Variants in DNM3 observed in about 807,000 individuals in gnomAD.
DNM3 encodes dynamin 3.
A neutral mutation model predicts 101.6 loss-of-function variants in DNM3; 47 were observed. The observed-to-expected ratio is 0.46, with a 90% CI of 0.37 to 0.59. The LOEUF (loss-of-function observed/expected upper bound fraction) is 0.59. Among genes scored for constraint, DNM3 ranks in the 20% least tolerant of loss-of-function variants. DNM3 has a pLI of 0.00. For missense variants in DNM3, 849 were observed against 1,085.7 expected (o/e 0.78, Z 3.06); for synonymous variants, 385 against 387.9 (o/e 0.99, Z 0.09).
chr1:171,897,330 T>C (rs1010189830), intron 1 of DNM3, among the ~76,000 whole-genome samples: 3 of 152,252 alleles, frequency 2.0e-5, no homozygotes, highest in Non-Finnish European at 4.4e-5. Flanking sequence ...TCCTTCCAAA[T>C]GTCTAATTTA....
intron 16 of DNM3, among the ~76,000 whole-genome samples, chr1:172,320,809 G>A (rs1281365370): frequency 6.6e-6 from 1 of 152,194 alleles, no homozygotes; most frequent in Non-Finnish European, 1.5e-5. Context: ...GTCGGGAGCT[G>A]AGAATTCACA....
At chr1:172,202,849 T>C (rs2060199752) in intron 14 of DNM3, among the ~76,000 whole-genome samples, 1 of 152,200 alleles carries the variant, frequency 6.6e-6, no homozygotes, top group Non-Finnish European at 1.5e-5. Context: ...ATTTACTGCT[T>C]GAGAAAAGGT....
intron 4 of DNM3, among the ~76,000 whole-genome samples, chr1:172,016,163 G>T (rs1282659198): frequency 6.6e-6 from 1 of 150,892 alleles, no homozygotes; most frequent in Admixed American, 6.6e-5. Flanking sequence ...CTCCAGTCTG[G>T]GCAAGAGAGT....
Position 172,252,290 on chromosome 1 carries a change from C to A in DNM3, c.1660-1283C>A, listed in dbSNP as rs1032876756. Among the ~76,000 whole-genome samples the A allele has an allele frequency of 2.6e-5, 4 of 152,174 alleles. No homozygotes were observed. In the East Asian group the frequency reaches 5.8e-4, roughly 22 times the overall value. Reference sequence around the variant, plus strand: ...TGCTATTCTAATGTGCTCTGCCCAACTTTTTTCTGATTAATTTAGGAGTAG... The same window carrying A: ...TGCTATTCTAATGTGCTCTGCCCAAATTTTTTCTGATTAATTTAGGAGTAG... On this transcript the variant is annotated intron_variant, in intron 14 of 20. Transcript: ENST00000627582.
At chr1:172,315,439 C>T (rs547422721) in intron 16 of DNM3, among the ~76,000 whole-genome samples, 4 of 152,222 alleles carry the variant, frequency 2.6e-5, no homozygotes, top group South Asian at 2.1e-4. Flanking sequence ...CAAACTACTC[C>T]GAGCTACAGG....
At chr1:171,948,527 T>C (rs1398680781) in intron 2 of DNM3, among the ~76,000 whole-genome samples, 4 of 152,180 alleles carry the variant, frequency 2.6e-5, no homozygotes, top group Non-Finnish European at 5.9e-5. Context: ...ATTATATAGA[T>C]AAGCTTACAC....
chr1:172,044,816 T>C (rs1299230823), intron 9 of DNM3, among the ~76,000 whole-genome samples: 1 of 152,146 alleles, frequency 6.6e-6, no homozygotes, highest in South Asian at 2.1e-4. Context: ...TTGACTAGTG[T>C]TGTGGAGCAA....
Position 172,408,499 on chromosome 1 carries a change from C to A in DNM3, c.*658C>A. On this transcript the variant is annotated 3_prime_UTR_variant, in exon 21 of 21. Coordinates refer to ENST00000627582, the MANE Select transcript of DNM3 (RefSeq NM_015569.5). ...TTTTGCTTCATGCTAGAAGCATATGCAACAGTGAATAAAAGCTTCTTTTTT... is the reference window on the plus strand; with the variant it reads ...TTTTGCTTCATGCTAGAAGCATATGAAACAGTGAATAAAAGCTTCTTTTTT... The A allele has an allele frequency of 1.0e-6, 1 of 985,318 alleles. No individual in the cohort carries two copies. The highest frequency in any genetic ancestry group is 1.2e-6 in the Non-Finnish European group (1 of 829,864). The allele number at this position is 985,318 out of a possible 1,614,324, so 61.0% of individuals were successfully genotyped here.
At chr1:172,164,334 C>G (rs886219406) in intron 14 of DNM3, among the ~76,000 whole-genome samples, 1 of 147,280 alleles carries the variant, frequency 6.8e-6, no homozygotes, top group Non-Finnish European at 1.5e-5. Flanking sequence ...GGTGCTATTA[C>G]TTAGTATTAC....
intron 15 of DNM3, among the ~76,000 whole-genome samples, chr1:172,297,516 T>G (rs1383330047): frequency 1.3e-5 from 2 of 152,114 alleles, no homozygotes; most frequent in African/African-American, 4.8e-5. Context: ...GGCCTTAATC[T>G]GTGTTAATTC....
At chr1:172,394,606 C>CTCT (rs2069812094) in intron 20 of DNM3, among the ~76,000 whole-genome samples, 1 of 152,314 alleles carries the variant, frequency 6.6e-6, no homozygotes, top group African/African-American at 2.4e-5. Context: ...TGTCATTGTT[C>CTCT]TCTTTGGGGC....
intron 15 of DNM3, among the ~76,000 whole-genome samples, chr1:172,279,590 C>T (rs2063410792): frequency 6.6e-6 from 1 of 152,104 alleles, no homozygotes; most frequent in South Asian, 2.1e-4. Context: ...TTCTTCCTAC[C>T]AACCCCAGCT....
At chr1:172,336,284 G>A (rs867109061) in intron 17 of DNM3, among the ~76,000 whole-genome samples, 6 of 152,006 alleles carry the variant, frequency 3.9e-5, no homozygotes, top group Admixed American at 3.3e-4. Context: ...AACGCATCAG[G>A]ATTTGATTAA....
At chr1:172,170,203 T>C (rs1417234337) in intron 14 of DNM3, among the ~76,000 whole-genome samples, 1 of 151,972 alleles carries the variant, frequency 6.6e-6, no homozygotes, top group Non-Finnish European at 1.5e-5. Context: ...TTAATATATG[T>C]TAAATACTTA....
intron 2 of DNM3, among the ~76,000 whole-genome samples, chr1:171,973,439 C>A (rs577070162): frequency 4.6e-5 from 7 of 152,088 alleles, no homozygotes; most frequent in Admixed American, 4.6e-4. Flanking sequence ...GTGTTAAATG[C>A]CTTCATTCAT....
At chr1:172,114,262 T>C (rs528005300) in intron 13 of DNM3, among the ~76,000 whole-genome samples, 25 of 151,886 alleles carry the variant, frequency 1.6e-4, no homozygotes, top group Non-Finnish European at 3.1e-4. Flanking sequence ...GAAGGTAGAG[T>C]CTTGCCAGAA....
chr1:171,882,429 A>C (rs980713644), intron 1 of DNM3, among the ~76,000 whole-genome samples: 5 of 88,216 alleles, frequency 5.7e-5, no homozygotes, highest in African/African-American at 2.3e-4. Context: ...GTCTCTCTCT[A>C]TACACACACA....
At chr1:172,216,473 T>C (rs2060703305) in intron 14 of DNM3, among the ~76,000 whole-genome samples, 1 of 152,142 alleles carries the variant, frequency 6.6e-6, no homozygotes, top group African/African-American at 2.4e-5. Context: ...TCATTTGTGA[T>C]GGATGCTAAA....
In DNM3 at chr1:171,844,254, A is replaced by T. The variant is rs114542351; in HGVS notation, c.161+2437A>T. Among the ~76,000 whole-genome samples the T allele has an allele frequency of 4.8e-3, 729 of 152,328 alleles. 6 individuals are homozygous for T. Among genetic ancestry groups the T allele is most frequent in the African/African-American group, 0.017 (692 of 41,582 alleles). ...TCTTGTCATTATCCAGGAATTTTGCAATAAAAACAGTTTCTTTCCTAAGGA... is the reference window on the plus strand; with the variant it reads ...TCTTGTCATTATCCAGGAATTTTGCTATAAAAACAGTTTCTTTCCTAAGGA... On this transcript the variant is annotated intron_variant, in intron 1 of 20. Coordinates refer to ENST00000627582, the MANE Select transcript of DNM3 (RefSeq NM_015569.5).
Sources: allele counts gnomAD v4.1 joint callset (sites outside exome capture counted in the v4.1 genomes callset), GRCh38; gene constraint gnomAD v4.1.1; transcripts MANE v1.5; gene names NCBI Gene and HGNC (gene_info 2026-07-23, HGNC 2026-07-21).